Variants in PPHLN1 observed in about 807,000 individuals in gnomAD.
PPHLN1 encodes the protein periphilin-1.
In PPHLN1, 29 loss-of-function variants were observed where a neutral mutation model predicts 51.3. The ratio of observed to expected loss-of-function variants is 0.57; its 90% CI spans 0.42 to 0.77. PPHLN1 has a LOEUF of 0.77. Ranked by LOEUF, PPHLN1 falls within the 30% of genes least tolerant of loss-of-function variation. PPHLN1 has a pLI of 0.00. For synonymous variants in PPHLN1, 147 were observed against 147.8 expected, an observed-to-expected ratio of 0.99 and a Z score of 0.04; for missense variants, 436 against 438.4, an observed-to-expected ratio of 0.99 and a Z score of 0.05.
At chr12:42,435,647 A>G (rs2082416624) in intron 9 of PPHLN1, among the ~76,000 whole-genome samples, 1 of 152,092 alleles carries the variant, frequency 6.6e-6, no homozygotes. Flanking sequence ...TTACGCCCCA[A>G]TTGGAGTTTC....
At chr12:42,393,892 A>G (rs896853992) in intron 8 of PPHLN1, among the ~76,000 whole-genome samples, 1 of 152,134 alleles carries the variant, frequency 6.6e-6, no homozygotes, top group Admixed American at 6.5e-5. Context: ...TGTTTCCTGT[A>G]GTTTTGGTGT....
At chr12:42,395,050 A>T (rs1018489495) in intron 8 of PPHLN1, among the ~76,000 whole-genome samples, 9 of 152,104 alleles carry the variant, frequency 5.9e-5, no homozygotes, top group African/African-American at 2.2e-4. Context: ...AGGTTTTTAT[A>T]AAAGCTCACT....
At chr12:42,361,425 A>G (rs1357385425) in intron 4 of PPHLN1, 1 of 152,172 alleles carries the variant, frequency 6.6e-6, no homozygotes, top group African/African-American at 2.4e-5. Context: ...CATTCTTTCT[A>G]TATTTATTAT....
chr12:42,362,018 C>T (rs1471623325), intron 4 of PPHLN1, among the ~76,000 whole-genome samples: 4 of 152,184 alleles, frequency 2.6e-5, no homozygotes, highest in African/African-American at 7.2e-5. Flanking sequence ...TTCCCAGTTG[C>T]TCCACGTTCT....
At chr12:42,326,898 T>G (rs1197763439) in intron 1 of PPHLN1, among the ~76,000 whole-genome samples, 1 of 152,202 alleles carries the variant, frequency 6.6e-6, no homozygotes, top group Non-Finnish European at 1.5e-5. Flanking sequence ...TCCAGCAGCC[T>G]GGAACCCACA....
intron 9 of PPHLN1, among the ~76,000 whole-genome samples, chr12:42,427,847 T>C (rs1488686104): frequency 6.6e-6 from 1 of 152,180 alleles, no homozygotes; most frequent in Admixed American, 6.5e-5. Flanking sequence ...AGAAGATCTT[T>C]ACAATCTGTA....
At chr12:42,370,645 TAGTGGTC>T (rs2075716609) in intron 4 of PPHLN1, among the ~76,000 whole-genome samples, 1 of 152,212 alleles carries the variant, frequency 6.6e-6, no homozygotes, top group East Asian at 1.9e-4. Context: ...CAGCCTTCAG[TAGTGGTC>T]AAATAAGCCC....
rs1431396699 is a variant in PPHLN1, at chr12:42,362,002, A to G, written c.299+6780A>G. On this transcript the variant is annotated intron_variant, in intron 4 of 9. Coordinates refer to ENST00000358314, the MANE Select transcript of PPHLN1 (RefSeq NM_201439.2). ...CATTTTACTTTCCTGTTAGCAATGT[A>G]TAAAGTTCCCAGTTGCTCCACGTTC... Among the ~76,000 whole-genome samples, 5 of 152,194 alleles carry G rather than the reference A, an allele frequency of 3.3e-5. 1 individual carries two copies. The highest frequency in any genetic ancestry group is 1.3e-4 in the Admixed American group (2 of 15,286).
rs528000661 is a variant in PPHLN1, at chr12:42,368,013, A to G, written c.300-6850A>G. On this transcript the variant is annotated intron_variant, in intron 4 of 9. Coordinates refer to ENST00000358314, the MANE Select transcript of PPHLN1 (RefSeq NM_201439.2). ...CGGCCTCCCGAAGTGGTAGGATTAC[A>G]TGTGTGAGCTACTGTGCCCAGCCAA... 3.9e-5 allele frequency among the ~76,000 whole-genome samples: 6 copies of G among 152,364 alleles called. No individual in the cohort carries two copies. The South Asian group carries it at 1.2e-3, about 32-fold the overall frequency.
At chr12:42,334,657 T>G (rs1426967217) in intron 1 of PPHLN1, among the ~76,000 whole-genome samples, 1 of 152,238 alleles carries the variant, frequency 6.6e-6, no homozygotes, top group Non-Finnish European at 1.5e-5. Flanking sequence ...CACATATCTG[T>G]GCCCTACTTT....
At chr12:42,374,321 T>A (rs538651921) in intron 4 of PPHLN1, among the ~76,000 whole-genome samples, 1 of 152,338 alleles carries the variant, frequency 6.6e-6, no homozygotes, top group African/African-American at 2.4e-5. Flanking sequence ...ATTAGCCACC[T>A]GGTTCTGTTC....
intron 9 of PPHLN1, among the ~76,000 whole-genome samples, chr12:42,410,505 T>C (rs2079714252): frequency 6.6e-6 from 1 of 152,224 alleles, no homozygotes; most frequent in Non-Finnish European, 1.5e-5. Flanking sequence ...TAGTTAATCA[T>C]CTTTGCATCA....
chr12:42,337,267 CTTTTTTTTTTTTT>C (rs1318956809), intron 2 of PPHLN1, among the ~76,000 whole-genome samples: 11 of 131,982 alleles, frequency 8.3e-5, no homozygotes, highest in African/African-American at 2.2e-4. Context: ...TTTCTTTTTT[CTTTTTTTTTTTTT>C]GAGATGGAGT....
intron 2 of PPHLN1, among the ~76,000 whole-genome samples, 172 bp downstream of exon 2, chr12:42,336,146 A>G (rs1447661486): frequency 6.6e-6 from 1 of 152,136 alleles, no homozygotes; most frequent in Non-Finnish European, 1.5e-5. Context: ...ATAAAAGACA[A>G]CATTTTATTT....
chr12:42,385,893 C>G (rs1446138919), intron 6 of PPHLN1, among the ~76,000 whole-genome samples: 1 of 152,176 alleles, frequency 6.6e-6, no homozygotes, highest in Non-Finnish European at 1.5e-5. Flanking sequence ...CACTATCACA[C>G]TATGATGTGA....
intron 6 of PPHLN1, among the ~76,000 whole-genome samples, chr12:42,385,356 C>G (rs2077107586): frequency 6.6e-6 from 1 of 152,140 alleles, no homozygotes; most frequent in African/African-American, 2.4e-5. Flanking sequence ...CTTTCTGCTC[C>G]CATTGTTGCA....
chr12:42,386,989 A>C (rs1170604679), intron 6 of PPHLN1: 1 of 152,408 alleles, frequency 6.6e-6, no homozygotes, highest in Non-Finnish European at 1.5e-5. Flanking sequence ...TTATGTTTAA[A>C]ACTGTCTAAA....
At chr12:42,333,480 AT>A (rs1176045559) in intron 1 of PPHLN1, among the ~76,000 whole-genome samples, 2 of 150,440 alleles carry the variant, frequency 1.3e-5, no homozygotes, top group African/African-American at 2.4e-5. Flanking sequence ...TTTATTTTTT[AT>A]TTTTATTTTT....
intron 4 of PPHLN1, chr12:42,355,673 C>G (rs1251399297): frequency 6.5e-6 from 1 of 152,776 alleles, no homozygotes; most frequent in Admixed American, 6.6e-5. Context: ...ATTGCTTGAA[C>G]CTGGGAGGTG....
Sources: allele counts gnomAD v4.1 joint callset (sites outside exome capture counted in the v4.1 genomes callset), GRCh38; gene constraint gnomAD v4.1.1; transcripts MANE v1.5; gene names NCBI Gene and HGNC (gene_info 2026-07-23, HGNC 2026-07-21).